USP9X: variants seen among roughly 807,000 people sequenced by gnomAD.
USP9X encodes ubiquitin carboxyl-terminal hydrolase 9X.
In USP9X, 7 loss-of-function variants were observed where a neutral mutation model predicts 190.3. That is an observed-to-expected ratio of 0.04 (90% CI 0.02 to 0.07). The LOEUF is 0.07. Ranked by LOEUF, USP9X falls within the 10% of genes least tolerant of loss-of-function variation. The pLI is 1.00. For missense variants in USP9X, 1,010 were observed against 1,916.9 expected, an observed-to-expected ratio of 0.53 and a Z score of 8.83; for synonymous variants, 645 against 659.5, an observed-to-expected ratio of 0.98 and a Z score of 0.34.
At chrX:41,106,052 T>C (rs1209692631) in intron 1 of USP9X, among the ~76,000 whole-genome samples, 4 of 112,237 alleles carry the variant, frequency 3.6e-5, no homozygotes, top group African/African-American at 1.3e-4. Flanking sequence ...TATTTGTAAA[T>C]GTTTTTCTTG....
intron 18 of USP9X, among the ~76,000 whole-genome samples, chrX:41,169,488 CTTG>C (rs1031978003): frequency 1.8e-3 from 194 of 110,021 alleles, no homozygotes; most frequent in African/African-American, 6.2e-3. Flanking sequence ...GCATTTCACT[CTTG>C]TTGCCCAGGC....
intron 32 of USP9X, among the ~76,000 whole-genome samples, chrX:41,208,124 G>A (rs1037531283): frequency 6.0e-4 from 63 of 105,073 alleles, no homozygotes; most frequent in Non-Finnish European, 9.6e-4. Context: ...ACCTCTGCCC[G>A]CTGGGTTCAA....
chrX:41,202,867 C>A (rs1479833216), intron 31 of USP9X, among the ~76,000 whole-genome samples: 1 of 111,543 alleles, frequency 9.0e-6, no homozygotes, highest in African/African-American at 3.3e-5. Context: ...TAAGGTGTAC[C>A]ACTTTTACTC....
chrX:41,130,520 C>T (rs1469288804), intron 3 of USP9X, among the ~76,000 whole-genome samples: 3 of 100,150 alleles, frequency 3.0e-5, no homozygotes, highest in Non-Finnish European at 6.0e-5. Flanking sequence ...GATGGAGTCT[C>T]GCTCTGTCAC....
rs5963231 is a variant in USP9X, at chrX:41,226,862, T to C, written c.7061+1725T>C. On this transcript the variant is annotated intron_variant, in intron 41 of 44. Coordinates refer to ENST00000378308, the MANE Select transcript of USP9X (RefSeq NM_001039591.3). ...TGGGCACAGTGGCTTACCCCTGTAA[T>C]AAGCACTTTGGGAGGCCAAGGCAGG... 2.8e-3 allele frequency among the ~76,000 whole-genome samples: 316 copies of C among 111,758 alleles called. 1 individual carries two copies. Among genetic ancestry groups the C allele is most frequent in the African/African-American group, 9.8e-3 (302 of 30,790 alleles).
intron 1 of USP9X, among the ~76,000 whole-genome samples, chrX:41,120,567 G>A (rs1011271441): frequency 1.8e-5 from 2 of 108,811 alleles, no homozygotes; most frequent in Admixed American, 9.8e-5. Context: ...GTGCCATCTC[G>A]GCTCACTGCA....
intron 14 of USP9X, among the ~76,000 whole-genome samples, chrX:41,162,157 A>G (rs907343766): frequency 2.7e-5 from 3 of 111,890 alleles, no homozygotes; most frequent in African/African-American, 9.7e-5. Context: ...GAAGAATTTG[A>G]TTACTGATTT....
At chrX:41,103,177 A>C (rs1231832896) in intron 1 of USP9X, among the ~76,000 whole-genome samples, 1 of 112,668 alleles carries the variant, frequency 8.9e-6, no homozygotes, top group Non-Finnish European at 1.9e-5. Context: ...ATTTGATGTG[A>C]CTTATGTCTA....
At chrX:41,217,710 A>AC (rs2063225067) in intron 36 of USP9X, among the ~76,000 whole-genome samples, 1 of 110,882 alleles carries the variant, frequency 9.0e-6, no homozygotes, top group South Asian at 3.8e-4. Flanking sequence ...ACATAGTGAG[A>AC]CCCCCATCTC....
At chrX:41,205,956 TCTTGGCTCA>T (rs2063091218) in intron 32 of USP9X, among the ~76,000 whole-genome samples, 1 of 105,292 alleles carries the variant, frequency 9.5e-6, no homozygotes, top group Non-Finnish European at 1.9e-5. Flanking sequence ...AGTGGTGTGA[TCTTGGCTCA>T]CTGCAACATC....
intron 28 of USP9X, 32 bp from the exon 29 acceptor site, chrX:41,197,332 C>CGGGG: frequency 4.7e-6 from 1 of 211,282 alleles, no homozygotes; most frequent in Non-Finnish European, 7.8e-6. Context: ...TTGATTTCTT[C>CGGGG]CCCCCCCCAC....
chrX:41,195,268 C>G (rs748647801), intron 26 of USP9X, among the ~76,000 whole-genome samples: 2 of 110,921 alleles, frequency 1.8e-5, no homozygotes, highest in African/African-American at 6.6e-5. Context: ...ACCTCTTGAC[C>G]TCCTGATCCG....
intron 9 of USP9X, among the ~76,000 whole-genome samples, chrX:41,142,234 T>G (rs756618622): frequency 8.9e-6 from 1 of 112,100 alleles, no homozygotes; most frequent in East Asian, 2.8e-4. Flanking sequence ...ATTCAAAGTG[T>G]GCTCTGAAGA....
intron 41 of USP9X, among the ~76,000 whole-genome samples, chrX:41,227,937 T>C (rs760498981): frequency 1.8e-5 from 2 of 112,352 alleles, no homozygotes; most frequent in Non-Finnish European, 3.8e-5. Flanking sequence ...CCTGACCTCG[T>C]GATCCGCCCA....
chrX:41,184,832 A>G (rs749325376), intron 23 of USP9X, 157 bp downstream of exon 23: 9 of 451,044 alleles, frequency 2.0e-5, no homozygotes, highest in Non-Finnish European at 3.2e-5. Flanking sequence ...AAAAGTGCAA[A>G]TACTTTTCGC....
intron 39 of USP9X, among the ~76,000 whole-genome samples, chrX:41,224,235 G>A (rs1201352464): frequency 4.5e-5 from 5 of 111,065 alleles, no homozygotes; most frequent in Middle Eastern, 4.6e-3. Context: ...TTTATATTTA[G>A]ATTTTGTATT....
At chrX:41,197,331 T>TGGGGGGGGGGGGGG in intron 28 of USP9X, 33 bp from the exon 29 acceptor site, 1 of 486,756 alleles carries the variant, frequency 2.1e-6, no homozygotes, top group Non-Finnish European at 2.9e-6. Context: ...TTTGATTTCT[T>TGGGGGGGGGGGGGG]CCCCCCCCCA....
intron 34 of USP9X, 85 bp from the exon 35 acceptor site, chrX:41,215,814 A>G (rs1263772113): frequency 3.9e-5 from 38 of 977,262 alleles, no homozygotes; most frequent in Non-Finnish European, 3.6e-5. Flanking sequence ...AAGTCTTAAT[A>G]TCATTTAAAA....
At chrX:41,155,889 G>A (rs1026253838) in intron 14 of USP9X, among the ~76,000 whole-genome samples, 6 of 112,007 alleles carry the variant, frequency 5.4e-5, no homozygotes, top group East Asian at 2.8e-4. Flanking sequence ...AGTGCTCAAC[G>A]ATCATGTTGA....
Sources: allele counts gnomAD v4.1 joint callset (sites outside exome capture counted in the v4.1 genomes callset), GRCh38; gene constraint gnomAD v4.1.1; transcripts MANE v1.5; gene names NCBI Gene and HGNC (gene_info 2026-07-23, HGNC 2026-07-21).